Variants in DMGDH observed in about 807,000 individuals in gnomAD.
DMGDH encodes dimethylglycine dehydrogenase, also known as dimethylglycine dehydrogenase, mitochondrial.
Under a neutral mutation model 95.2 loss-of-function variants are expected in DMGDH, and 76 were observed. The observed-to-expected ratio is 0.80, with a 90% CI of 0.66 to 0.97. The LOEUF is 0.97. Among genes scored for constraint, DMGDH ranks in the 50% least tolerant of loss-of-function variants. The probability of loss-of-function intolerance (pLI) is 0.00; values close to 1 mark genes in which losing one functional copy is unlikely to be tolerated. For synonymous variants in DMGDH, 345 were observed against 377.6 expected (o/e 0.91, Z 1.00); for missense variants, 987 against 1,055.0 (o/e 0.94, Z 0.89).
At chr5:79,023,363 T>G (rs1306702207) in intron 14 of DMGDH, among the ~76,000 whole-genome samples, 1 of 152,244 alleles carries the variant, frequency 6.6e-6, no homozygotes, top group Non-Finnish European at 1.5e-5. Flanking sequence ...TGTTTTATTA[T>G]AACTCTTAGG....
chr5:79,023,834 G>A (rs1227022678), intron 14 of DMGDH, among the ~76,000 whole-genome samples: 6 of 152,234 alleles, frequency 3.9e-5, no homozygotes, highest in Non-Finnish European at 8.8e-5. Flanking sequence ...GGACAGATAT[G>A]CTGAAGTGAG....
chr5:79,028,587 C>G lies in DMGDH; in HGVS notation c.1878G>C (p.Glu626Asp), dbSNP rs777512024. The change falls in exon 12 of 16, where the codon GAG (glutamate) becomes GAC (aspartate). Residue 626 changes from glutamate to aspartate, a missense_variant. Physicochemically the swap from Glu to Asp is conservative, Grantham distance 45. Transcript: ENST00000255189. ...GCCCAGCAACTCCAAGAACTCCAAGCTCATCAGTTATGTTTTTAATTTCAA... is the reference window on the plus strand; with the variant it reads ...GCCCAGCAACTCCAAGAACTCCAAGGTCATCAGTTATGTTTTTAATTTCAA... ...YDVEIKNITD[E>D]LGVLGVAGPQ... The G allele has an allele frequency of 6.2e-7, 1 of 1,614,160 alleles. No individual in the cohort carries two copies. The highest frequency in any genetic ancestry group is 8.5e-7 in the Non-Finnish European group (1 of 1,180,030).
intron 12 of DMGDH, among the ~76,000 whole-genome samples, chr5:79,027,179 TTTGTTTTTTTGTC>T (rs1316651256): frequency 8.5e-5 from 13 of 152,126 alleles, no homozygotes; most frequent in African/African-American, 2.4e-4. Context: ...GTGTTCTTGT[TTTGTTTTTTTGTC>T]TTGTTTTTTT....
chr5:79,051,138 G>A (rs368763254), intron 5 of DMGDH, 149 bp downstream of exon 5: 1 of 864,672 alleles, frequency 1.2e-6, no homozygotes. Flanking sequence ...GATAGAGGGA[G>A]GGCTTTGTCA....
intron 2 of DMGDH, among the ~76,000 whole-genome samples, chr5:79,060,585 C>T (rs1734029075): frequency 6.6e-6 from 1 of 151,874 alleles, no homozygotes; most frequent in Non-Finnish European, 1.5e-5. Context: ...CTGCAACCTT[C>T]CTTATTCTCA....
At chr5:79,031,121 T>C (rs991757606) in intron 9 of DMGDH, 123 bp from the exon 10 acceptor site, 110 of 972,400 alleles carry the variant, frequency 1.1e-4, no homozygotes, top group Non-Finnish European at 1.6e-4. Flanking sequence ...AGTGGGACTA[T>C]GGGAGGCGAG....
At chr5:79,041,592 C>T (rs985156407) in intron 7 of DMGDH, among the ~76,000 whole-genome samples, 4 of 152,230 alleles carry the variant, frequency 2.6e-5, no homozygotes, top group Admixed American at 6.5e-5. Context: ...ATCTTTGTCA[C>T]ATCGTGTTAT....
At position 79,055,639 on chromosome 5, in the gene DMGDH, G is replaced by C. The variant is rs201236652; in HGVS notation, c.375+171C>G. ...TGAATAATATACTTTGAGAAATTAAGTTGATTTTAAAGCAGACTCTAGAGG... is the reference window on the plus strand; with the variant it reads ...TGAATAATATACTTTGAGAAATTAACTTGATTTTAAAGCAGACTCTAGAGG... On this transcript the variant is annotated intron_variant, in intron 3 of 15. Coordinates refer to ENST00000255189, the MANE Select transcript of DMGDH (RefSeq NM_013391.3). Among the ~76,000 whole-genome samples, 9 of 152,266 alleles carry C rather than the reference G, an allele frequency of 5.9e-5. No homozygotes were observed. In the East Asian group the frequency reaches 1.7e-3, roughly 29 times the overall value.
chr5:79,032,842 T>C lies in DMGDH; in HGVS notation c.1364-2A>G, dbSNP rs766660104. ...ACCGTTCTTCTTTAGGATAACCAAC[T>C]GAAAAGGAAAAATTGGTACTTTAAA... On this transcript the variant is annotated splice_acceptor_variant, in intron 8 of 15. Coordinates refer to ENST00000255189, the MANE Select transcript of DMGDH (RefSeq NM_013391.3). LOFTEE classifies it high-confidence loss of function. 1.9e-6 allele frequency: 3 copies of C among 1,613,960 alleles called. No individual in the cohort carries two copies. Among genetic ancestry groups the C allele is most frequent in the Non-Finnish European group, 2.5e-6 (3 of 1,179,980 alleles).
chr5:79,007,281 T>A (rs1395629070), intron 14 of DMGDH, among the ~76,000 whole-genome samples: 1 of 152,232 alleles, frequency 6.6e-6, no homozygotes, highest in East Asian at 1.9e-4. Context: ...GAGGTCCACT[T>A]ACATGTGGAT....
intron 9 of DMGDH, 125 bp downstream of exon 9, chr5:79,032,562 G>C: frequency 7.3e-7 from 1 of 1,369,768 alleles, no homozygotes; most frequent in Non-Finnish European, 1.0e-6. Context: ...ATTTTTGTAG[G>C]ACAAAGCTCA....
At chr5:79,045,082 C>A (rs774017330) in intron 5 of DMGDH, among the ~76,000 whole-genome samples, 2 of 152,150 alleles carry the variant, frequency 1.3e-5, no homozygotes, top group Non-Finnish European at 2.9e-5. Flanking sequence ...TCCAAAAGTA[C>A]AAGATTGTTC....
At chr5:79,006,975 G>A (rs1449075812) in intron 14 of DMGDH, among the ~76,000 whole-genome samples, 7 of 152,090 alleles carry the variant, frequency 4.6e-5, no homozygotes, top group Admixed American at 4.6e-4. Flanking sequence ...TCCATTAGCC[G>A]AGGTTAAAAT....
chr5:79,044,691 TA>T, intron 5 of DMGDH, 139 bp from the exon 6 acceptor site: 1 of 1,012,242 alleles, frequency 9.9e-7, no homozygotes, highest in Non-Finnish European at 1.4e-6. Context: ...CATAACAATC[TA>T]AACTTTTGTC....
chr5:79,030,622 G>A, intron 10 of DMGDH: 1 of 506,330 alleles, frequency 2.0e-6, no homozygotes, highest in Admixed American at 3.4e-5. Context: ...CTCCAGCCTG[G>A]GTGACAAAGC....
At position 78,998,510 on chromosome 5, in the gene DMGDH, G is replaced by C. The variant is rs1230734266; in HGVS notation, c.2386-213C>G. 3.9e-5 allele frequency among the ~76,000 whole-genome samples: 6 copies of C among 152,174 alleles called. No homozygotes were observed. The East Asian group carries it at 1.2e-3, about 29-fold the overall frequency. Reference sequence around the variant, plus strand: ...ACAAATTATGAAAAGTAATTATCAAGGTACACATCTGTATTACTCTGAAAT... The same window carrying C: ...ACAAATTATGAAAAGTAATTATCAACGTACACATCTGTATTACTCTGAAAT... On this transcript the variant is annotated intron_variant, in intron 15 of 15. Coordinates refer to ENST00000255189, the MANE Select transcript of DMGDH (RefSeq NM_013391.3).
At chr5:79,041,897 G>A (rs1388847663) in intron 7 of DMGDH, among the ~76,000 whole-genome samples, 1 of 152,180 alleles carries the variant, frequency 6.6e-6, no homozygotes, top group African/African-American at 2.4e-5. Flanking sequence ...CTACTGAGGA[G>A]GCTGAGGCAG....
At chr5:79,054,384 G>A (rs1561228153) in intron 3 of DMGDH, 36 bp from the exon 4 acceptor site, 2 of 1,607,754 alleles carry the variant, frequency 1.2e-6, no homozygotes, top group East Asian at 4.5e-5. Flanking sequence ...ATATAAATAA[G>A]TCATTGTTTG....
In DMGDH at chr5:79,044,579, G is replaced by T. The variant is rs185043233; in HGVS notation, c.746-27C>A. ...TTAAACAAAAAAATCATTTAAAAGTGTCAGCCCATATATAAACACATAACT... is the reference window on the plus strand; with the variant it reads ...TTAAACAAAAAAATCATTTAAAAGTTTCAGCCCATATATAAACACATAACT... On this transcript the variant is annotated intron_variant, in intron 5 of 15. Coordinates refer to ENST00000255189, the MANE Select transcript of DMGDH (RefSeq NM_013391.3). 811 of 1,612,716 alleles carry T rather than the reference G, an allele frequency of 5.0e-4. 1 individual carries two copies. Among genetic ancestry groups the T allele is most frequent in the Admixed American group, 1.8e-3 (109 of 59,996 alleles).
Sources: allele counts gnomAD v4.1 joint callset (sites outside exome capture counted in the v4.1 genomes callset), GRCh38; gene constraint gnomAD v4.1.1; transcripts MANE v1.5; gene names NCBI Gene and HGNC (gene_info 2026-07-23, HGNC 2026-07-21).